The following SPTLC1 variants were observed in gnomAD, a reference collection of about 807,000 sequenced individuals.
SPTLC1 encodes serine palmitoyltransferase long chain base subunit 1.
Under a neutral mutation model 68.9 loss-of-function variants are expected in SPTLC1, and 55 were observed. That is an observed-to-expected ratio of 0.80 (90% CI 0.64 to 1.00). The LOEUF is 1.00. SPTLC1 is among the 50% of genes least tolerant of loss of function. The pLI, the probability that SPTLC1 is intolerant of heterozygous loss-of-function variation, is 0.00. For missense variants in SPTLC1, 449 were observed against 573.1 expected (o/e 0.78, Z 2.21); for synonymous variants, 197 against 201.6 (o/e 0.98, Z 0.19).
At position 92,080,875 on chromosome 9, in the gene SPTLC1, C is replaced by G. The variant is rs1834856685; in HGVS notation, c.349G>C (p.Val117Leu). 6.2e-7 allele frequency: 1 copy of G among 1,611,216 alleles called. No individual in the cohort carries two copies. Among genetic ancestry groups the G allele is most frequent in the Non-Finnish European group, 8.5e-7 (1 of 1,177,460 alleles). The change falls in exon 4 of 15, where the codon GTT (valine) becomes CTT (leucine). Residue 117 changes from valine (V) to leucine (L), a missense_variant. Around this residue, in one of 3 missense-constraint regions of SPTLC1, gnomAD observed 391 missense variants for 472.1 expected, o/e 0.83. Coordinates refer to ENST00000262554, the MANE Select transcript of SPTLC1 (RefSeq NM_006415.4). ...NFLGLLDNPR[V>L]KAAALASLKK... ...CAGCAATATGTGCTACTCACCTTAA[C>G]CCTAGGGTTATCCAACAATCCAAGA...
intron 12 of SPTLC1, among the ~76,000 whole-genome samples, chr9:92,041,614 A>C (rs191850086): frequency 2.0e-5 from 3 of 152,348 alleles, no homozygotes. Context: ...AGAGTGGAAA[A>C]TAGCCAAATC....
At chr9:92,080,201 G>T in intron 4 of SPTLC1, 113 bp from the exon 5 acceptor site, 1 of 809,178 alleles carries the variant, frequency 1.2e-6, no homozygotes, top group Non-Finnish European at 2.0e-6. Context: ...AACTCTAACA[G>T]AATATAAAGA....
chr9:92,036,647 A>C (rs1388195053), intron 13 of SPTLC1, among the ~76,000 whole-genome samples: 1 of 152,228 alleles, frequency 6.6e-6, no homozygotes, highest in African/African-American at 2.4e-5. Context: ...CCGCTGGGGC[A>C]AGTCCATTGA....
At chr9:92,081,580 C>A (rs1834886864) in intron 3 of SPTLC1, among the ~76,000 whole-genome samples, 1 of 152,170 alleles carries the variant, frequency 6.6e-6, no homozygotes, top group Non-Finnish European at 1.5e-5. Context: ...CCTGAAGGTA[C>A]TTCCGTTAAG....
Position 92,031,406 on chromosome 9 carries a change from A to G in SPTLC1, c.*1059T>C, listed in dbSNP as rs1292254775. The G allele has an allele frequency of 6.6e-6, 1 of 152,398 alleles. No homozygotes were observed. Among genetic ancestry groups the G allele is most frequent in the Non-Finnish European group, 1.5e-5 (1 of 68,010 alleles). The allele number at this position is 152,398 out of a possible 1,614,324, so 9.4% of individuals were successfully genotyped here. On this transcript the variant is annotated 3_prime_UTR_variant, in exon 15 of 15. Coordinates refer to ENST00000262554, the MANE Select transcript of SPTLC1 (RefSeq NM_006415.4). The stretch of plus-strand genomic sequence containing the variant: ...ACAAGAGAAGGAATGATGGCATAAT[A>G]TTTATATGCTATATTGTGGCACGTA...
At chr9:92,070,522 C>T (rs1834439905) in intron 5 of SPTLC1, among the ~76,000 whole-genome samples, 1 of 152,226 alleles carries the variant, frequency 6.6e-6, no homozygotes, top group Non-Finnish European at 1.5e-5. Context: ...GCACACCTCA[C>T]AGCCCTCAGC....
At chr9:92,088,293 AC>A (rs1455180249) in intron 3 of SPTLC1, among the ~76,000 whole-genome samples, 1 of 152,216 alleles carries the variant, frequency 6.6e-6, no homozygotes, top group Non-Finnish European at 1.5e-5. Context: ...AGTGAGATGA[AC>A]CCAGTACCTC....
chr9:92,095,390 A>G (rs1835494522), intron 3 of SPTLC1, among the ~76,000 whole-genome samples: 1 of 152,232 alleles, frequency 6.6e-6, no homozygotes, highest in South Asian at 2.1e-4. Context: ...ATTCAAGGGA[A>G]TATTAGGTTC....
At chr9:92,066,745 A>G (rs6479402) in intron 6 of SPTLC1, among the ~76,000 whole-genome samples, 81,151 of 152,174 alleles carry the variant, frequency 0.53, 24,774 homozygotes, top group African/African-American at 0.84. Flanking sequence ...GAGGCCAGGC[A>G]CAGTGGCTCA....
chr9:92,096,664 C>G (rs1587600792), intron 3 of SPTLC1, among the ~76,000 whole-genome samples: 2 of 152,270 alleles, frequency 1.3e-5, no homozygotes, highest in East Asian at 3.9e-4. Context: ...GCCTCTACCT[C>G]ACACCATATA....
At chr9:92,048,743 T>G (rs1833604741) in intron 9 of SPTLC1, among the ~76,000 whole-genome samples, 1 of 152,244 alleles carries the variant, frequency 6.6e-6, no homozygotes, top group Non-Finnish European at 1.5e-5. Flanking sequence ...TAACAATTTT[T>G]AAATGTTAAG....
chr9:92,037,760 G>A (rs994485806), intron 13 of SPTLC1, among the ~76,000 whole-genome samples: 5 of 152,146 alleles, frequency 3.3e-5, no homozygotes, highest in South Asian at 2.1e-4. Context: ...TATAAAAAGC[G>A]GTCTTCCTTT....
chr9:92,103,661 C>G (rs1835842994), intron 3 of SPTLC1, among the ~76,000 whole-genome samples: 1 of 152,252 alleles, frequency 6.6e-6, no homozygotes, highest in Admixed American at 6.5e-5. Context: ...ACCTGCGAAG[C>G]AAGGCTGGTG....
At chr9:92,077,126 C>T (rs1416732101) in intron 5 of SPTLC1, 1 of 152,268 alleles carries the variant, frequency 6.6e-6, no homozygotes, top group Non-Finnish European at 1.5e-5. Context: ...ACTCTCCTAC[C>T]CCTTGCACTC....
intron 6 of SPTLC1, among the ~76,000 whole-genome samples, chr9:92,066,161 A>T (rs1834271852): frequency 6.6e-6 from 1 of 152,176 alleles, no homozygotes; most frequent in Admixed American, 6.5e-5. Flanking sequence ...AAAATTATAA[A>T]CTGTTACAAG....
At chr9:92,096,538 C>T (rs184569617) in intron 3 of SPTLC1, among the ~76,000 whole-genome samples, 221 of 152,212 alleles carry the variant, frequency 1.5e-3, no homozygotes, top group African/African-American at 5.1e-3. Context: ...TGAAAATAGA[C>T]CATCCTTACA....
intron 5 of SPTLC1, among the ~76,000 whole-genome samples, chr9:92,077,695 T>C (rs544577224): frequency 3.2e-4 from 48 of 152,296 alleles, no homozygotes; most frequent in African/African-American, 1.1e-3. Flanking sequence ...CTCACGTACT[T>C]CTAAATGCCC....
chr9:92,099,368 C>T (rs778312303), intron 3 of SPTLC1, among the ~76,000 whole-genome samples: 6 of 151,740 alleles, frequency 4.0e-5, no homozygotes, highest in African/African-American at 7.3e-5. Context: ...AGTCTCAAAT[C>T]GCCTACAATT....
chr9:92,042,363 C>A (rs899483283), intron 12 of SPTLC1, among the ~76,000 whole-genome samples: 2 of 152,170 alleles, frequency 1.3e-5, no homozygotes, highest in African/African-American at 4.8e-5. Context: ...CTTCCATGCA[C>A]ATCATCATAA....
Sources: gnomAD v4.1 joint callset for allele counts (sites outside exome capture counted in the v4.1 genomes callset) on GRCh38, gnomAD v4.1.1 for gene constraint, gnomAD v4.1.1 regional missense constraint, MANE v1.5 for transcripts, NCBI Gene and HGNC (gene_info 2026-07-23, HGNC 2026-07-21) for gene names.